ENTPD5: variants seen among roughly 807,000 people sequenced by gnomAD.
The protein encoded by ENTPD5 is nucleoside diphosphate phosphatase ENTPD5.
ENTPD5 carries 49 observed loss-of-function variants against 60.2 expected under a neutral mutation model. That is an observed-to-expected ratio of 0.81 (90% CI 0.65 to 1.03). The LOEUF (loss-of-function observed/expected upper bound fraction) is 1.03. ENTPD5 is among the 50% of genes least tolerant of loss of function. The pLI, the probability that ENTPD5 is intolerant of heterozygous loss-of-function variation, is 0.00. For synonymous variants in ENTPD5, 187 were observed against 185.4 expected, an observed-to-expected ratio of 1.01 and a Z score of -0.07; for missense variants, 480 against 507.6, an observed-to-expected ratio of 0.95 and a Z score of 0.52.
chr14:73,958,940 G>C, downstream of ENTPD5: 2 of 1,612,692 alleles, frequency 1.2e-6, no homozygotes, highest in Non-Finnish European at 8.5e-7. Flanking sequence ...GAAGAGGCTG[G>C]AAGACTTAGC....
At position 73,966,868 on chromosome 14, in the gene ENTPD5, G is replaced by A; in HGVS notation, c.*60C>T. 1 of 1,277,908 alleles carries A rather than the reference G, an allele frequency of 7.8e-7. No homozygotes were observed. The highest frequency in any genetic ancestry group is 1.2e-5 in the South Asian group (1 of 83,350). The allele number at this position is 1,277,908 out of a possible 1,614,324, so 79.2% of individuals were successfully genotyped here. ...CCCCAGACTAGTTCAGAAACTAAGT[G>A]CTCTCTCCTCCCCTTAAAAAGGTGT... is the stretch of plus-strand genomic sequence containing the variant. On this transcript the variant is annotated 3_prime_UTR_variant, in exon 16 of 16. Transcript: ENST00000334696.
rs2056984364 is a variant in ENTPD5 at position 73,966,667 on chromosome 14, G to C, written c.*261C>G. The C allele has an allele frequency of 1.1e-5, 4 of 367,858 alleles. No individual in the cohort carries two copies. Among genetic ancestry groups the C allele is most frequent in the Middle Eastern group, 7.5e-4 (1 of 1,334 alleles). The allele number at this position is 367,858 out of a possible 1,614,324, so 22.8% of individuals were successfully genotyped here. On this transcript the variant is annotated 3_prime_UTR_variant, in exon 16 of 16. Coordinates refer to ENST00000334696, the MANE Select transcript of ENTPD5 (RefSeq NM_001249.5). ...AATGCGATTTTTCTTTGGTTTCCAG[G>C]GACCTGTCCCTGGGCTCTCACTCCA...
downstream of ENTPD5, chr14:73,959,904 C>A: frequency 8.3e-7 from 1 of 1,198,558 alleles, no homozygotes; most frequent in Non-Finnish European, 1.0e-6. Flanking sequence ...AAAGGAGTAA[C>A]CAGTCAGCTG....
chr14:73,960,920 G>C, downstream of ENTPD5: 1 of 581,338 alleles, frequency 1.7e-6, no homozygotes, highest in Non-Finnish European at 3.1e-6. Context: ...TATTGAGGGT[G>C]GGGACTAGTG....
intron 3 of ENTPD5, among the ~76,000 whole-genome samples, chr14:74,007,224 G>GA (rs1397592852): frequency 6.6e-6 from 1 of 151,958 alleles, no homozygotes; most frequent in East Asian, 1.9e-4. Context: ...CTGTCTCTTA[G>GA]AAAAAAATTA....
chr14:74,013,082 A>G (rs2058894432), intron 2 of ENTPD5, among the ~76,000 whole-genome samples: 2 of 152,218 alleles, frequency 1.3e-5, no homozygotes, highest in African/African-American at 4.8e-5. Flanking sequence ...CCTGGAGGGC[A>G]TAGACTGCTG....
chr14:74,016,262 C>T (rs1301350296), intron 1 of ENTPD5, among the ~76,000 whole-genome samples: 1 of 152,204 alleles, frequency 6.6e-6, no homozygotes, highest in Non-Finnish European at 1.5e-5. Context: ...GAAATCTTGG[C>T]ATTTCCCTGA....
intron 1 of ENTPD5, among the ~76,000 whole-genome samples, chr14:74,017,408 T>C (rs57733852): frequency 0.11 from 16,974 of 150,508 alleles, 1,135 homozygotes; most frequent in Admixed American, 0.19. Flanking sequence ...GGAGAAACCC[T>C]GTCTCTACTA....
At chr14:73,958,978 CAGATGGTCA>C, downstream of ENTPD5, 1 of 1,613,864 alleles carries the variant, frequency 6.2e-7, no homozygotes, top group South Asian at 1.1e-5. Flanking sequence ...CAGATAGGTG[CAGATGGTCA>C]CAACTCCGGA....
At chr14:73,972,402 A>AAACAAC (rs1315957405) in intron 13 of ENTPD5, among the ~76,000 whole-genome samples, 1 of 151,846 alleles carries the variant, frequency 6.6e-6, no homozygotes. Context: ...CAAAAAACCA[A>AAACAAC]AACAACAACA....
At chr14:73,984,074 C>A (rs1030620481) in intron 5 of ENTPD5, among the ~76,000 whole-genome samples, 3 of 151,948 alleles carry the variant, frequency 2.0e-5, no homozygotes, top group Non-Finnish European at 4.4e-5. Context: ...GTTACCCAGG[C>A]TGGAGTGCAA....
intron 3 of ENTPD5, among the ~76,000 whole-genome samples, chr14:74,009,562 C>T (rs914699873): frequency 2.6e-5 from 4 of 152,150 alleles, no homozygotes; most frequent in African/African-American, 9.7e-5. Context: ...ATTTGTCTTT[C>T]CCCCACCAAA....
At chr14:73,984,986 C>A (rs1463911278) in intron 5 of ENTPD5, among the ~76,000 whole-genome samples, 1 of 152,086 alleles carries the variant, frequency 6.6e-6, no homozygotes, top group Non-Finnish European at 1.5e-5. Flanking sequence ...TGAGAACATG[C>A]GGTGTTTGGT....
At chr14:73,972,282 G>A (rs1193359456) in intron 13 of ENTPD5, among the ~76,000 whole-genome samples, 1 of 152,146 alleles carries the variant, frequency 6.6e-6, no homozygotes, top group Non-Finnish European at 1.5e-5. Context: ...ACTGGGGCAG[G>A]AGAATCGGTT....
downstream of ENTPD5, chr14:73,956,566 A>G (rs2056447599): frequency 6.5e-6 from 1 of 152,972 alleles, no homozygotes; most frequent in South Asian, 2.0e-4. Context: ...TTGAGAGTGA[A>G]GTTGTATCTC....
chr14:73,991,230 A>G (rs1329244681), intron 3 of ENTPD5, among the ~76,000 whole-genome samples: 2 of 152,118 alleles, frequency 1.3e-5, no homozygotes, highest in Non-Finnish European at 2.9e-5. Context: ...ACTGTGTCCT[A>G]TGATCTCATC....
At chr14:73,992,458 G>A (rs2058171685) in intron 3 of ENTPD5, among the ~76,000 whole-genome samples, 1 of 152,124 alleles carries the variant, frequency 6.6e-6, no homozygotes, top group Non-Finnish European at 1.5e-5. Context: ...GCTGAGGTGA[G>A]TAGATCACCT....
At chr14:73,991,608 C>CAA (rs67647627) in intron 3 of ENTPD5, among the ~76,000 whole-genome samples, 5 of 68,576 alleles carry the variant, frequency 7.3e-5, no homozygotes, top group African/African-American at 2.0e-4. Flanking sequence ...AAACAATAAC[C>CAA]AAAAAAAAAA....
intron 3 of ENTPD5, among the ~76,000 whole-genome samples, chr14:73,994,963 T>G (rs1404243229): frequency 1.3e-5 from 2 of 151,990 alleles, no homozygotes. Context: ...ATCTAACACA[T>G]TATATAATTT....
Sources: allele counts gnomAD v4.1 joint callset (sites outside exome capture counted in the v4.1 genomes callset), GRCh38; gene constraint gnomAD v4.1.1; transcripts MANE v1.5; gene names NCBI Gene and HGNC (gene_info 2026-07-23, HGNC 2026-07-21).